Variants in DLG3 observed in about 807,000 individuals in gnomAD.
DLG3 encodes discs large MAGUK scaffold protein 3, also known as disks large homolog 3.
A neutral mutation model predicts 64.1 loss-of-function variants in DLG3; 1 was observed. The observed-to-expected ratio is 0.02, with a 90% CI of 0.01 to 0.07. DLG3 has a LOEUF of 0.07. Ranked by LOEUF, DLG3 falls within the 10% of genes least tolerant of loss-of-function variation. DLG3 has a pLI of 1.00. For synonymous variants in DLG3, 245 were observed against 259.8 expected (o/e 0.94, Z 0.55); for missense variants, 429 against 669.5 (o/e 0.64, Z 3.96).
chrX:70,474,401 AAGAAAT>A (rs1323963730), intron 9 of DLG3, among the ~76,000 whole-genome samples: 1 of 111,340 alleles, frequency 9.0e-6, no homozygotes, highest in Non-Finnish European at 1.9e-5. Flanking sequence ...TAAAAGTATA[AAGAAAT>A]AGATTGAGGA....
rs963968986 is a variant in DLG3, at chrX:70,503,578, G to A, written c.*1309G>A. 3.6e-5 allele frequency: 4 copies of A among 111,350 alleles called. No individual in the cohort carries two copies. The highest frequency in any genetic ancestry group is 1.3e-4 in the African/African-American group (4 of 30,609). The allele number at this position is 111,350 out of a possible 1,213,427, so 9.2% of individuals were successfully genotyped here. A position where few individuals can be genotyped will look rare whatever the true frequency, so the allele number is the denominator to read the frequency against. On this transcript the variant is annotated 3_prime_UTR_variant, in exon 19 of 19. Transcript: ENST00000374360. The stretch of plus-strand genomic sequence containing the variant: ...CAGCACTTGGCTTGCTTGGCCAGCT[G>A]CGTCATGAGTTTGATTTGGTTTTTT...
At chrX:70,463,347 A>G (rs2086835869) in intron 9 of DLG3, among the ~76,000 whole-genome samples, 1 of 110,432 alleles carries the variant, frequency 9.1e-6, no homozygotes. Flanking sequence ...AGGGTTCATC[A>G]TGTTGGCCAG....
At chrX:70,471,331 CTTT>C (rs756585636) in intron 9 of DLG3, among the ~76,000 whole-genome samples, 2 of 100,709 alleles carry the variant, frequency 2.0e-5, no homozygotes, top group Non-Finnish European at 2.0e-5. Flanking sequence ...GAAGACATAA[CTTT>C]TTTTTTTTTT....
Position 70,500,067 on chromosome X carries a change from G to A in DLG3, c.2145+18G>A, listed in dbSNP as rs1316668349. 8.4e-7 allele frequency: 1 copy of A among 1,188,013 alleles called. No homozygotes were observed. Among genetic ancestry groups the A allele is most frequent in the Non-Finnish European group, 1.1e-6 (1 of 875,422 alleles). On this transcript the variant is annotated intron_variant, in intron 16 of 18. Coordinates refer to ENST00000374360, the MANE Select transcript of DLG3 (RefSeq NM_021120.4). ...CAGAGAGGGTAAGTGTACAGGAGATGGCCTCAAAGGGGAGGCCAATGCTTA... is the reference window on the plus strand; with the variant it reads ...CAGAGAGGGTAAGTGTACAGGAGATAGCCTCAAAGGGGAGGCCAATGCTTA...
At chrX:70,449,211 T>C (rs902004064) in intron 2 of DLG3, 148 bp from the exon 3 acceptor site, 2 of 871,332 alleles carry the variant, frequency 2.3e-6, no homozygotes, top group African/African-American at 2.0e-5. Context: ...CAGCAGAGGC[T>C]GGGTGTCTGA....
At chrX:70,452,458 C>T (rs2086629678) in intron 7 of DLG3, 1 of 974,997 alleles carries the variant, frequency 1.0e-6, no homozygotes. Context: ...AACGGCCCCG[C>T]CCCGCTGGCG....
Position 70,502,807 on chromosome X carries a change from A to G in DLG3, c.*538A>G, listed in dbSNP as rs922046682. On this transcript the variant is annotated 3_prime_UTR_variant, in exon 19 of 19. Transcript: ENST00000374360. ...TTATATAAAATATATAGAAATTATT[A>G]TATATATATATTATACACTCTCATA... is the stretch of plus-strand genomic sequence containing the variant. 9.3e-6 allele frequency: 1 copy of G among 107,196 alleles called. No homozygotes were observed. Among genetic ancestry groups the G allele is most frequent in the Non-Finnish European group, 1.9e-5 (1 of 52,290 alleles). The allele number at this position is 107,196 out of a possible 1,213,427, so 8.8% of individuals were successfully genotyped here.
intron 1 of DLG3, among the ~76,000 whole-genome samples, chrX:70,446,262 TGTGA>T (rs1203699883): frequency 2.7e-5 from 3 of 109,990 alleles, no homozygotes; most frequent in African/African-American, 6.6e-5. Flanking sequence ...GGTGTGTGTG[TGTGA>T]GTGTGTGTTT....
intron 9 of DLG3, among the ~76,000 whole-genome samples, chrX:70,460,715 C>T (rs182715732): frequency 1.6e-3 from 181 of 111,660 alleles, no homozygotes; most frequent in Admixed American, 6.7e-3. Flanking sequence ...CACCCCTGTA[C>T]GCTTTAGCTG....
intron 9 of DLG3, among the ~76,000 whole-genome samples, chrX:70,465,352 T>C (rs1292436633): frequency 8.9e-6 from 1 of 112,087 alleles, no homozygotes; most frequent in Non-Finnish European, 1.9e-5. Flanking sequence ...TATGTTTAAC[T>C]GGACTTGTCT....
At chrX:70,493,326 G>GC (rs1555970158) in intron 12 of DLG3, 4 of 900,587 alleles carry the variant, frequency 4.4e-6, no homozygotes, top group Non-Finnish European at 4.6e-6. Context: ...CCATTGTTCT[G>GC]TTTTTTTTTT....
At chrX:70,493,740 G>A (rs1046282510) in intron 12 of DLG3, among the ~76,000 whole-genome samples, 5 of 113,099 alleles carry the variant, frequency 4.4e-5, no homozygotes, top group Non-Finnish European at 9.4e-5. Flanking sequence ...TCCAGGAAGT[G>A]CCTGGCACTA....
chrX:70,479,606 C>A (rs1458133468), intron 10 of DLG3, among the ~76,000 whole-genome samples: 1 of 111,257 alleles, frequency 9.0e-6, no homozygotes. Context: ...AACTTGCCAC[C>A]CCCCCATCCC....
intron 9 of DLG3, among the ~76,000 whole-genome samples, chrX:70,467,177 C>G (rs1276802542): frequency 8.9e-6 from 1 of 112,100 alleles, no homozygotes; most frequent in Non-Finnish European, 1.9e-5. Flanking sequence ...CTTGGCATCT[C>G]AAAGCACTGG....
intron 2 of DLG3, 71 bp from the exon 3 acceptor site, chrX:70,449,288 G>A: frequency 8.4e-7 from 1 of 1,190,598 alleles, no homozygotes; most frequent in South Asian, 1.8e-5. Context: ...TATAAGGGGA[G>A]ATGAGGTACC....
intron 1 of DLG3, among the ~76,000 whole-genome samples, chrX:70,446,242 G>C (rs967059312): frequency 8.1e-5 from 9 of 110,463 alleles, no homozygotes; most frequent in African/African-American, 3.0e-4. Context: ...GAGTGTGCAC[G>C]CGTGTGCCTG....
At chrX:70,456,736 C>G (rs1281449473) in intron 9 of DLG3, among the ~76,000 whole-genome samples, 1 of 107,701 alleles carries the variant, frequency 9.3e-6, no homozygotes, top group Non-Finnish European at 1.9e-5. Flanking sequence ...CCAGCAAGTC[C>G]CCAACATGCA....
Position 70,500,886 on chromosome X carries a change from T to TGTC in DLG3, c.2256-11_2256-9dup. On this transcript the variant is annotated splice_polypyrimidine_tract_variant and intron_variant, in intron 17 of 18. Transcript: ENST00000374360. ...ATCTGGTTCAGAACTATTTTTCTTC[T>TGTC]GTCTTTGGCAGGGAAATGAACCGAA... 1 of 1,180,580 alleles carries TGTC rather than the reference T, an allele frequency of 8.5e-7. No individual in the cohort carries two copies. Among genetic ancestry groups the TGTC allele is most frequent in the Non-Finnish European group, 1.1e-6 (1 of 873,896 alleles).
At position 70,495,397 on chromosome X, in the gene DLG3, T is replaced by C. The variant is rs1162163616; in HGVS notation, c.1774-11T>C. 1.7e-6 allele frequency: 2 copies of C among 1,210,534 alleles called. No homozygotes were observed. Among genetic ancestry groups the C allele is most frequent in the Non-Finnish European group, 2.2e-6 (2 of 894,624 alleles). On this transcript the variant is annotated splice_polypyrimidine_tract_variant and intron_variant, in intron 12 of 18. Coordinates refer to ENST00000374360, the MANE Select transcript of DLG3 (RefSeq NM_021120.4). ...TCGTCCTCTCTCCGCCCTTGCTGTC[T>C]GTGAAATCAGGACTTCCCGGGGTTA...
Sources: allele counts gnomAD v4.1 joint callset (sites outside exome capture counted in the v4.1 genomes callset), GRCh38; gene constraint gnomAD v4.1.1; transcripts MANE v1.5; gene names NCBI Gene and HGNC (gene_info 2026-07-23, HGNC 2026-07-21).